PDE6D: variants seen among roughly 807,000 people sequenced by gnomAD.
PDE6D encodes retinal rod rhodopsin-sensitive cGMP 3',5'-cyclic phosphodiesterase subunit delta.
PDE6D carries 10 observed loss-of-function variants against 21.9 expected under a neutral mutation model. That is an observed-to-expected ratio of 0.46 (90% CI 0.28 to 0.78). The LOEUF is 0.78. PDE6D is among the 30% of genes least tolerant of loss of function. The pLI is 0.12. For synonymous variants in PDE6D, 59 were observed against 63.5 expected (o/e 0.93, Z 0.34); for missense variants, 139 against 184.8 (o/e 0.75, Z 1.44).
chr2:231,762,596 C>T (rs986695658), intron 1 of PDE6D, among the ~76,000 whole-genome samples: 1 of 152,044 alleles, frequency 6.6e-6, no homozygotes, highest in South Asian at 2.1e-4. Context: ...CCTCCTGCCT[C>T]GCCCTCTCAA....
intron 1 of PDE6D, among the ~76,000 whole-genome samples, chr2:231,754,627 C>G (rs191546021): frequency 0.011 from 1,636 of 151,360 alleles, 8 homozygotes; most frequent in Non-Finnish European, 0.016. Context: ...CTGCCTCAGC[C>G]TCCCAAAGTG....
intron 1 of PDE6D, among the ~76,000 whole-genome samples, chr2:231,750,542 T>C (rs1433838251): frequency 6.6e-6 from 1 of 151,332 alleles, no homozygotes; most frequent in South Asian, 2.1e-4. Context: ...ACTCGCTTTG[T>C]TGCCCAGGCT....
intron 1 of PDE6D, among the ~76,000 whole-genome samples, chr2:231,742,839 G>A (rs1271041814): frequency 2.0e-5 from 3 of 152,140 alleles, no homozygotes; most frequent in Non-Finnish European, 2.9e-5. Flanking sequence ...CCTTGGACAC[G>A]TGCTACCCAG....
rs2048714688 is a variant in PDE6D at position 231,737,822 on chromosome 2, C to T, written c.265+191G>A. ...CTCCCAGTGTCAGAGACCTCAAAGC[C>T]CCTTGTAGTGGCTAGCTTTGTTTTG... On this transcript the variant is annotated intron_variant, in intron 3 of 4. Transcript: ENST00000287600. 5 of 560,844 alleles carry T rather than the reference C, an allele frequency of 8.9e-6. No homozygotes were observed. In the South Asian group the frequency reaches 1.2e-4, roughly 14 times the overall value. 34.7% of individuals were successfully genotyped at this position (560,844 alleles called of 1,614,324 possible).
chr2:231,764,280 G>A (rs2048953396), intron 1 of PDE6D, among the ~76,000 whole-genome samples: 1 of 152,042 alleles, frequency 6.6e-6, no homozygotes. Flanking sequence ...AGCTACATGT[G>A]GTGGTGTGTG....
At chr2:231,780,446 G>A (rs2049101652) in intron 1 of PDE6D, among the ~76,000 whole-genome samples, 1 of 152,090 alleles carries the variant, frequency 6.6e-6, no homozygotes, top group Admixed American at 6.5e-5. Context: ...GTCGATCTTG[G>A]ACTTCTCTTT....
chr2:231,767,280 G>A (rs551585196), intron 1 of PDE6D, among the ~76,000 whole-genome samples: 4 of 151,652 alleles, frequency 2.6e-5, no homozygotes, highest in South Asian at 2.1e-4. Flanking sequence ...GTATTATTTC[G>A]TTCAAATTTC....
At position 231,767,411 on chromosome 2, in the gene PDE6D, G is replaced by A. The variant is rs150303074; in HGVS notation, c.50+13654C>T. ...GCTCACTGCAAGCTCTGCCTCCCAG[G>A]TTCATGCCCTTCTCTTGCCTCAGCT... On this transcript the variant is annotated intron_variant, in intron 1 of 4. Coordinates refer to ENST00000287600, the MANE Select transcript of PDE6D (RefSeq NM_002601.4). Among the ~76,000 whole-genome samples the A allele has an allele frequency of 3.2e-3, 494 of 152,050 alleles. 5 individuals carry two copies. The highest frequency in any genetic ancestry group is 0.011 in the African/African-American group (476 of 41,456).
At position 231,761,051 on chromosome 2, in the gene PDE6D, G is replaced by A. The variant is rs888260122; in HGVS notation, c.50+20014C>T. On this transcript the variant is annotated intron_variant, in intron 1 of 4. Transcript: ENST00000287600. ...TGGTCCATGAATACATTAGAATGGA[G>A]ACAACAGAAATGAGTCTAAGACTAA... 1.7e-4 allele frequency among the ~76,000 whole-genome samples: 26 copies of A among 152,132 alleles called. 1 individual carries two copies. The highest frequency in any genetic ancestry group is 6.0e-4 in the African/African-American group (25 of 41,418).
chr2:231,735,397 T>G lies in PDE6D; in HGVS notation c.371+1790A>C, dbSNP rs187067395. On this transcript the variant is annotated intron_variant, in intron 4 of 4. Coordinates refer to ENST00000287600, the MANE Select transcript of PDE6D (RefSeq NM_002601.4). The stretch of plus-strand genomic sequence containing the variant: ...TCACTGCAACCTCCGGCACCCAGAT[T>G]CAAGTGATCTCCTGCCTCAGCCTCC... Among the ~76,000 whole-genome samples, 531 of 149,516 alleles carry G rather than the reference T, an allele frequency of 3.6e-3. 3 individuals are homozygous for G. Among genetic ancestry groups the G allele is most frequent in the African/African-American group, 0.012 (502 of 40,782 alleles).
Position 231,739,153 on chromosome 2 carries a change from T to G in PDE6D, c.86A>C (p.Lys29Thr). 3 of 1,613,156 alleles carry G rather than the reference T, an allele frequency of 1.9e-6. No homozygotes were observed. Among genetic ancestry groups the G allele is most frequent in the Non-Finnish European group, 2.5e-6 (3 of 1,179,142 alleles). ...GTCTTCTGTTCCTTGCCAGAGTATC[T>G]TCCCTGTCTCAGCATCCCGAAGGTT... ...WMNLRDAETGKILWQGTEDLS... is the reference protein window; with the variant it reads ...WMNLRDAETGTILWQGTEDLS... The change falls in exon 2 of 5, where the codon AAG becomes ACG. Residue 29 changes from lysine (K) to threonine (T), a missense_variant. Coordinates refer to ENST00000287600, the MANE Select transcript of PDE6D (RefSeq NM_002601.4). The surrounding 1 kb of genome is among the most constrained non-coding windows in gnomAD (Gnocchi z 4.2).
intron 1 of PDE6D, among the ~76,000 whole-genome samples, chr2:231,772,370 A>C (rs977042637): frequency 9.8e-5 from 15 of 152,354 alleles, no homozygotes; most frequent in South Asian, 6.2e-4. Flanking sequence ...GCTTTAGTCC[A>C]ATCCATTGAA....
chr2:231,736,044 A>C (rs1465357425), intron 4 of PDE6D, among the ~76,000 whole-genome samples: 2 of 149,772 alleles, frequency 1.3e-5, no homozygotes, highest in Admixed American at 6.7e-5. Context: ...AAAAAAAAAA[A>C]CTTAAAAAGT....
chr2:231,761,253 C>T (rs1271356995), intron 1 of PDE6D, among the ~76,000 whole-genome samples: 2 of 152,128 alleles, frequency 1.3e-5, no homozygotes, highest in Non-Finnish European at 2.9e-5. Flanking sequence ...CGGCTCACTG[C>T]AAGCTCCGCT....
chr2:231,752,296 T>C (rs1319432033), intron 1 of PDE6D, among the ~76,000 whole-genome samples: 2 of 152,234 alleles, frequency 1.3e-5, no homozygotes, highest in African/African-American at 2.4e-5. Flanking sequence ...CCAAGTTCTA[T>C]CACGTAGCAG....
rs138274621 is a variant in PDE6D at position 231,774,833 on chromosome 2, C to T, written c.50+6232G>A. 5.9e-3 allele frequency among the ~76,000 whole-genome samples: 898 copies of T among 152,092 alleles called. 9 individuals carry two copies. Among genetic ancestry groups the T allele is most frequent in the African/African-American group, 0.017 (690 of 41,496 alleles). On this transcript the variant is annotated intron_variant, in intron 1 of 4. Coordinates refer to ENST00000287600, the MANE Select transcript of PDE6D (RefSeq NM_002601.4). Reference sequence around the variant, plus strand: ...CTCGAATCCCTGACCTCAAGTAATCCGCCCACCTTGGCCTCCCAAAGTGCT... The same window carrying T: ...CTCGAATCCCTGACCTCAAGTAATCTGCCCACCTTGGCCTCCCAAAGTGCT...
chr2:231,767,523 G>A (rs1464825119), intron 1 of PDE6D, among the ~76,000 whole-genome samples: 2 of 152,028 alleles, frequency 1.3e-5, no homozygotes, highest in African/African-American at 4.8e-5. Context: ...CACCGAGTTA[G>A]CCAGGATGGT....
At chr2:231,780,684 C>G (rs1191655112) in intron 1 of PDE6D, among the ~76,000 whole-genome samples, 2 of 152,160 alleles carry the variant, frequency 1.3e-5, no homozygotes, top group African/African-American at 2.4e-5. Context: ...ATCAGCCCAC[C>G]GCGCCCCCTC....
chr2:231,770,471 C>T (rs1485559012), intron 1 of PDE6D, among the ~76,000 whole-genome samples: 1 of 152,094 alleles, frequency 6.6e-6, no homozygotes, highest in African/African-American at 2.4e-5. Context: ...GATATGACCA[C>T]ATTAGAAGAG....
Sources: gnomAD v4.1 joint callset for allele counts (sites outside exome capture counted in the v4.1 genomes callset) on GRCh38, gnomAD v4.1.1 for gene constraint, Gnocchi (gnomAD v3.1) non-coding constraint, MANE v1.5 for transcripts, NCBI Gene and HGNC (gene_info 2026-07-23, HGNC 2026-07-21) for gene names.